SON: variants seen among roughly 807,000 people sequenced by gnomAD.
SON encodes the protein SON DNA and RNA binding protein.
SON carries 4 observed loss-of-function variants against 173.3 expected under a neutral mutation model. That is an observed-to-expected ratio of 0.02 (90% CI 0.01 to 0.05). The LOEUF is 0.05. Among genes scored for constraint, SON ranks in the 10% least tolerant of loss-of-function variants. SON has a pLI of 1.00. For missense variants in SON, 2,626 were observed against 3,055.3 expected (o/e 0.86, Z 3.31); for synonymous variants, 1,190 against 1,105.9 (o/e 1.08, Z -1.51).
At chr21:33,549,355 G>A (rs1017615799) in intron 2 of SON, 121 bp from the exon 3 acceptor site, 5 of 776,972 alleles carry the variant, frequency 6.4e-6, no homozygotes, top group Non-Finnish European at 3.9e-6. Context: ...TTACAGGCGT[G>A]AGCCACTGTA....
At chr21:33,567,364 G>A (rs757709581) in intron 7 of SON, 97 bp downstream of exon 7, 10 of 723,502 alleles carry the variant, frequency 1.4e-5, no homozygotes, top group Admixed American at 2.1e-5. Context: ...TTGCTAACTA[G>A]ATGGTTGAGT....
chr21:33,559,831 C>G lies in SON; in HGVS notation c.6657+56C>G. ...TTTTTTATACCTGAATCTGCCATTT[C>G]ATTGTTATGTTATGTCTGATTTGGA... On this transcript the variant is annotated intron_variant, in intron 6 of 11. Transcript: ENST00000356577. The surrounding 1 kb of genome is among the most constrained non-coding windows in gnomAD (Gnocchi z 4.1). 6.2e-7 allele frequency: 1 copy of G among 1,605,466 alleles called. No individual in the cohort carries two copies. The highest frequency in any genetic ancestry group is 2.2e-5 in the East Asian group (1 of 44,802).
intron 7 of SON, among the ~76,000 whole-genome samples, chr21:33,567,867 C>T (rs949208117): frequency 6.6e-6 from 1 of 151,944 alleles, no homozygotes; most frequent in African/African-American, 2.4e-5. Flanking sequence ...GAGCCAGGAT[C>T]GCGCCACTGT....
chr21:33,566,301 ATT>A (rs2086170243), intron 6 of SON, among the ~76,000 whole-genome samples: 1 of 152,124 alleles, frequency 6.6e-6, no homozygotes, highest in African/African-American at 2.4e-5. Context: ...CGAGCTTTTA[ATT>A]TTAGAACAAA....
chr21:33,549,985 A>G lies in SON; in HGVS notation c.754A>G (p.Thr252Ala). The G allele has an allele frequency of 6.2e-7, 1 of 1,614,144 alleles. No individual in the cohort carries two copies. The highest frequency in any genetic ancestry group is 8.5e-7 in the Non-Finnish European group (1 of 1,180,020). ...LDSFAAAPVP[T>A]TTLVLKSSEP... is the part of the protein sequence containing the mutation. The stretch of plus-strand genomic sequence containing the variant: ...TTCCTTTGCAGCAGCACCAGTGCCT[A>G]CTACAACACTGGTGTTGAAGTCATC... Residue 252 changes from threonine (T) to alanine (A), a missense_variant, in exon 3 of 12, where the codon ACT (threonine) becomes GCT (alanine). By Grantham distance (58) the Thr-to-Ala change is moderately conservative (BLOSUM62 0). Coordinates refer to ENST00000356577, the MANE Select transcript of SON (RefSeq NM_138927.4).
chr21:33,575,415 A>C (rs1322602921), intron 9 of SON, 181 bp from the exon 10 acceptor site: 2 of 475,252 alleles, frequency 4.2e-6, no homozygotes, highest in African/African-American at 4.0e-5. Context: ...ATTAAATATA[A>C]ATTTATATGC....
At position 33,573,407 on chromosome 21, in the gene SON, G is replaced by A. The variant is rs2086330166; in HGVS notation, c.6985G>A (p.Glu2329Lys). The A allele has an allele frequency of 6.2e-7, 1 of 1,613,492 alleles. No homozygotes were observed. Among genetic ancestry groups the A allele is most frequent in the Non-Finnish European group, 8.5e-7 (1 of 1,179,640 alleles). Reference protein sequence around the residue: ...REGEGLGKNKEGNKEPILVDF... With the variant: ...REGEGLGKNKKGNKEPILVDF... ...AGGAGAAGGATTAGGAAAAAACAAA[G>A]AAGGCAATAAGGAACCCATCCTAGT... The change falls in exon 9 of 12, where the codon GAA (glutamate) becomes AAA (lysine). Residue 2329 changes from glutamate (E) to lysine (K), a missense_variant. Transcript: ENST00000356577.
At chr21:33,567,408 T>C (rs928969536) in intron 7 of SON, 141 bp downstream of exon 7, 11 of 613,960 alleles carry the variant, frequency 1.8e-5, no homozygotes, top group Non-Finnish European at 3.0e-5. Flanking sequence ...CAATGTCTTA[T>C]TTTAAATGAA....
Position 33,567,233 on chromosome 21 carries a change from A to C in SON, c.6734A>C (p.Glu2245Ala), listed in dbSNP as rs1321260913. The C allele has an allele frequency of 6.2e-7, 1 of 1,610,196 alleles. No individual in the cohort carries two copies. Among genetic ancestry groups the C allele is most frequent in the Non-Finnish European group, 8.5e-7 (1 of 1,176,530 alleles). ...CTCAGTGAGAATGCATTTGATCTTG[A>C]AGCCATGAGCATGTTAAATAGAGCT... ...KRLSENAFDL[E>A]AMSMLNRAQE... The change falls in exon 7 of 12, where the codon GAA becomes GCA. Residue 2245 changes from glutamate to alanine, a missense_variant. By Grantham distance (107) the Glu-to-Ala change is moderately radical. Transcript: ENST00000356577.
intron 9 of SON, among the ~76,000 whole-genome samples, chr21:33,574,436 C>CA (rs550077879): frequency 7.6e-4 from 115 of 152,264 alleles, no homozygotes; most frequent in African/African-American, 2.7e-3. Context: ...TGTAAGCTCT[C>CA]AGAGAACCAC....
chr21:33,547,705 CTTTTTT>C (rs928851742), intron 2 of SON, among the ~76,000 whole-genome samples: 194 of 70,972 alleles, frequency 2.7e-3, no homozygotes, highest in Middle Eastern at 8.9e-3. Flanking sequence ...CTTCTGTAGT[CTTTTTT>C]TTTTTTTTTT....
At chr21:33,567,804 T>TG (rs2086203225) in intron 7 of SON, among the ~76,000 whole-genome samples, 1 of 152,036 alleles carries the variant, frequency 6.6e-6, no homozygotes, top group African/African-American at 2.4e-5. Flanking sequence ...TGCCAGCTAC[T>TG]CAGGAGGCTG....
At position 33,555,011 on chromosome 21, in the gene SON, G is replaced by A. The variant is rs752778892; in HGVS notation, c.5780G>A (p.Arg1927His). ...AGAGCTCGAAGTCGAACCCCAAGTC[G>A]TCGGAGTCGGAGTCATACTCCAAGT... The part of the protein sequence containing the change: ...TVRARSRTPS[R>H]RSRSHTPSRR... The change falls in exon 3 of 12, where the codon CGT becomes CAT. Residue 1927 changes from arginine (R) to histidine (H), a missense_variant. Coordinates refer to ENST00000356577, the MANE Select transcript of SON (RefSeq NM_138927.4). 23 of 1,613,016 alleles carry A rather than the reference G, an allele frequency of 1.4e-5. No individual in the cohort carries two copies. In the South Asian group the frequency reaches 2.4e-4, roughly 17 times the overall value.
intron 11 of SON, 119 bp from the exon 12 acceptor site, chr21:33,576,246 C>T (rs2086397909): frequency 3.0e-6 from 2 of 672,440 alleles, no homozygotes; most frequent in South Asian, 1.8e-5. Context: ...TATAATTTGA[C>T]TTACATAGTA....
chr21:33,567,918 CAA>C (rs1033322455), intron 7 of SON, among the ~76,000 whole-genome samples: 1 of 151,608 alleles, frequency 6.6e-6, no homozygotes, highest in African/African-American at 2.4e-5. Flanking sequence ...CTAAAAAAAA[CAA>C]AAGAGTGATT....
rs202027184 is a variant in SON at position 33,555,090 on chromosome 21, A to C, written c.5859A>C (p.Pro1953=). The C allele has an allele frequency of 1.5e-5, 24 of 1,583,630 alleles. No homozygotes were observed. The highest frequency in any genetic ancestry group is 6.9e-5 in the African/African-American group (5 of 72,854). The change falls in exon 3 of 12, where the codon CCA becomes CCC. Residue 1953 remains proline, a synonymous_variant. Coordinates refer to ENST00000356577, the MANE Select transcript of SON (RefSeq NM_138927.4). ...GAAGAAGGAGCTTTAGCATTTCCCCAAGCCGCCGCAGCCGCACCCCCAGCC... is the reference window on the plus strand; with the variant it reads ...GAAGAAGGAGCTTTAGCATTTCCCCCAGCCGCCGCAGCCGCACCCCCAGCC... ...VGRRRSFSIS[P]SRRSRTPSRR... is the part of the protein sequence containing the mutation.
intron 3 of SON, among the ~76,000 whole-genome samples, chr21:33,556,763 T>C (rs1219172602): frequency 6.6e-6 from 1 of 151,610 alleles, no homozygotes; most frequent in Non-Finnish European, 1.5e-5. Flanking sequence ...AAAGAGTGAT[T>C]TAAGGTGTCA....
rs1275312464 is a variant in SON, at chr21:33,552,787, C to G, written c.3556C>G (p.Gln1186Glu). ...AGAGGGTCCAGCATTGCCCACTGAG[C>G]AGTCAGCATTAACAGCTGAAAATAC... ...PPEGPALPTE[Q>E]SALTAENTWP... Residue 1186 changes from glutamine (Q) to glutamate (E), a missense_variant, in exon 3 of 12, where the codon CAG becomes GAG. Transcript: ENST00000356577. This position sits in a 1 kb window ranked among gnomAD's most constrained non-coding sequence, Gnocchi z 5.6. The G allele has an allele frequency of 6.2e-7, 1 of 1,613,684 alleles. No homozygotes were observed. Among genetic ancestry groups the G allele is most frequent in the African/African-American group, 1.3e-5 (1 of 74,922 alleles).
In SON at chr21:33,559,304, GGAA is replaced by G. The variant is rs1424889063; in HGVS notation, c.6403_6405del (p.Glu2135del). 1.2e-6 allele frequency: 2 copies of G among 1,612,230 alleles called. No homozygotes were observed. The highest frequency in any genetic ancestry group is 1.1e-5 in the South Asian group (1 of 90,836). ...ATAAACCTCATGTTTCGGATGAAGAGGAAGAAGAACCTCCTTTTTATCATCATC... is the reference window on the plus strand; with the variant it reads ...ATAAACCTCATGTTTCGGATGAAGAGGAAGAACCTCCTTTTTATCATCATC... On this transcript the variant is annotated inframe_deletion, in exon 5 of 12. Transcript: ENST00000356577. The surrounding 1 kb of genome is among the most constrained non-coding windows in gnomAD (Gnocchi z 4.1).
Sources: gnomAD v4.1 joint callset for allele counts (sites outside exome capture counted in the v4.1 genomes callset) on GRCh38, gnomAD v4.1.1 for gene constraint, Gnocchi (gnomAD v3.1) non-coding constraint, MANE v1.5 for transcripts, NCBI Gene and HGNC (gene_info 2026-07-23, HGNC 2026-07-21) for gene names.